FRMD4A: variants seen among roughly 807,000 people sequenced by gnomAD.
FRMD4A encodes FERM domain-containing protein 4A.
FRMD4A carries 29 observed loss-of-function variants against 129.1 expected under a neutral mutation model. The observed-to-expected ratio is 0.22, with a 90% CI of 0.17 to 0.31. The LOEUF (loss-of-function observed/expected upper bound fraction) is 0.31. Ranked by LOEUF, FRMD4A falls within the 10% of genes least tolerant of loss-of-function variation. The pLI is 1.00. For missense variants in FRMD4A, 1,272 were observed against 1,375.8 expected, an observed-to-expected ratio of 0.92 and a Z score of 1.19; for synonymous variants, 634 against 571.6, an observed-to-expected ratio of 1.11 and a Z score of -1.56.
intron 2 of FRMD4A, among the ~76,000 whole-genome samples, chr10:14,143,239 C>T (rs983481044): frequency 3.3e-5 from 5 of 152,146 alleles, no homozygotes; most frequent in Admixed American, 1.3e-4. Flanking sequence ...CAAGTATCCA[C>T]CAACAGATGA....
chr10:14,328,435 T>G (rs1843373025), intron 2 of FRMD4A, among the ~76,000 whole-genome samples: 2 of 149,998 alleles, frequency 1.3e-5, no homozygotes, highest in Admixed American at 1.3e-4. Flanking sequence ...CAAGGATTCA[T>G]GCTTAGGGGC....
chr10:13,810,896 C>T lies in FRMD4A; in HGVS notation c.124G>A (p.Ala42Thr). ...LELLVQPKLL[A>T]KELLDLVASH... is the part of the protein sequence containing the mutation. ...GCCACAAGGTCAAGAAGCTCCTTGGCCAACAGCTTGGGCTGCAAGAAGAAT... is the reference window on the plus strand; with the variant it reads ...GCCACAAGGTCAAGAAGCTCCTTGGTCAACAGCTTGGGCTGCAAGAAGAAT... The change falls in exon 4 of 25, where the codon GCC becomes ACC. Residue 42 changes from alanine (A) to threonine (T), a missense_variant. By Grantham distance (58) the Ala-to-Thr change is moderately conservative. Around this residue, in one of 2 missense-constraint regions of FRMD4A, gnomAD observed 300 missense variants for 483.6 expected, o/e 0.62. Coordinates refer to ENST00000357447, the MANE Select transcript of FRMD4A (RefSeq NM_018027.5). 1 of 1,588,214 alleles carries T rather than the reference C, an allele frequency of 6.3e-7. No individual in the cohort carries two copies. The highest frequency in any genetic ancestry group is 8.6e-7 in the Non-Finnish European group (1 of 1,157,600).
intron 2 of FRMD4A, among the ~76,000 whole-genome samples, chr10:13,887,195 A>T (rs1489564151): frequency 6.6e-6 from 1 of 152,200 alleles, no homozygotes; most frequent in Non-Finnish European, 1.5e-5. Flanking sequence ...ATTTGACTCA[A>T]ACTGAGACTA....
rs1330924959 is a variant in FRMD4A, at chr10:14,324,723, C to T, written c.45+5335G>A. ...CAAGCTGGAGTGCAGTGGCGTGCGC[C>T]GATCTCGGCTCACGGCAACCTCTGC... is the stretch of plus-strand genomic sequence containing the variant. On this transcript the variant is annotated intron_variant, in intron 2 of 24. Coordinates refer to ENST00000357447, the MANE Select transcript of FRMD4A (RefSeq NM_018027.5). Among the ~76,000 whole-genome samples, 3 of 152,130 alleles carry T rather than the reference C, an allele frequency of 2.0e-5. No individual in the cohort carries two copies. The East Asian group carries it at 5.8e-4, about 29-fold the overall frequency.
At chr10:14,170,495 T>A (rs79251869) in intron 2 of FRMD4A, among the ~76,000 whole-genome samples, 190 of 152,296 alleles carry the variant, frequency 1.2e-3, no homozygotes, top group African/African-American at 4.3e-3. Context: ...GCGCAGGATA[T>A]GTCTTTGTAG....
intron 2 of FRMD4A, among the ~76,000 whole-genome samples, chr10:14,038,804 A>C (rs978545141): frequency 2.0e-5 from 3 of 152,224 alleles, no homozygotes; most frequent in African/African-American, 7.2e-5. Flanking sequence ...GACTTTTATC[A>C]GTCAAGCTGA....
intron 1 of FRMD4A, 150 bp downstream of exon 1, chr10:14,330,447 C>T (rs1409378355): frequency 2.7e-5 from 11 of 403,032 alleles, no homozygotes; most frequent in African/African-American, 2.0e-4. Flanking sequence ...TGTTTAACTG[C>T]TACCTTCGCC....
At chr10:14,188,960 C>T (rs1842232964) in intron 2 of FRMD4A, among the ~76,000 whole-genome samples, 1 of 152,176 alleles carries the variant, frequency 6.6e-6, no homozygotes, top group African/African-American at 2.4e-5. Context: ...GGGAAGCTTT[C>T]CCTGAGCAAC....
At chr10:13,753,077 C>T (rs1215789617) in intron 8 of FRMD4A, among the ~76,000 whole-genome samples, 1 of 152,154 alleles carries the variant, frequency 6.6e-6, no homozygotes, top group African/African-American at 2.4e-5. Context: ...TTCCTTTGTT[C>T]GATCATACAG....
chr10:13,937,099 G>A (rs1037706699), intron 2 of FRMD4A, among the ~76,000 whole-genome samples: 1 of 152,218 alleles, frequency 6.6e-6, no homozygotes, highest in African/African-American at 2.4e-5. Context: ...GGTTGCAAAT[G>A]TTCTCTGGGG....
chr10:13,741,831 G>A (rs187784542), intron 9 of FRMD4A, among the ~76,000 whole-genome samples: 3 of 152,118 alleles, frequency 2.0e-5, no homozygotes, highest in Admixed American at 6.5e-5. Flanking sequence ...TTAGACAGGC[G>A]CTCCCTCCTT....
At chr10:13,655,094 C>T (rs1300146210) in intron 22 of FRMD4A, 1 of 152,704 alleles carries the variant, frequency 6.5e-6, no homozygotes, top group Non-Finnish European at 1.5e-5. Flanking sequence ...CAAACCTGAC[C>T]ACTACGCATT....
intron 2 of FRMD4A, among the ~76,000 whole-genome samples, chr10:14,249,821 C>T (rs1033990469): frequency 1.3e-5 from 2 of 151,976 alleles, no homozygotes; most frequent in South Asian, 2.1e-4. Flanking sequence ...GTGGAAAAAA[C>T]GAGAGGTTGC....
At chr10:14,208,766 T>C (rs1186404639) in intron 2 of FRMD4A, among the ~76,000 whole-genome samples, 1 of 152,218 alleles carries the variant, frequency 6.6e-6, no homozygotes, top group African/African-American at 2.4e-5. Flanking sequence ...TTTGGGACTC[T>C]GGCCTCTTCT....
chr10:14,122,570 G>A lies in FRMD4A; in HGVS notation c.45+207488C>T, dbSNP rs1564313121. On this transcript the variant is annotated intron_variant, in intron 2 of 24. Transcript: ENST00000357447. ...CGGCAGAATGTGAAGCGGGGAGCAG[G>A]CATATCACACGGGTAGAGAAGGAGC... Among the ~76,000 whole-genome samples, 10 of 147,360 alleles carry A rather than the reference G, an allele frequency of 6.8e-5. No homozygotes were observed. In the South Asian group the frequency reaches 2.2e-3, roughly 33 times the overall value.
intron 2 of FRMD4A, among the ~76,000 whole-genome samples, chr10:14,093,189 C>T (rs1422678908): frequency 1.3e-5 from 2 of 152,196 alleles, no homozygotes; most frequent in East Asian, 3.9e-4. Flanking sequence ...TCAGCAGTTT[C>T]TGGAAACTGA....
intron 24 of FRMD4A, 192 bp downstream of exon 24, chr10:13,651,711 G>C: frequency 5.0e-6 from 3 of 599,506 alleles, no homozygotes; most frequent in South Asian, 4.1e-5. Context: ...CTGGGAAGCA[G>C]TGTTAGGAAT....
intron 2 of FRMD4A, among the ~76,000 whole-genome samples, chr10:14,077,050 G>C (rs7099279): frequency 0.41 from 62,265 of 151,866 alleles, 13,146 homozygotes; most frequent in African/African-American, 0.5. Flanking sequence ...TCTCACAGAG[G>C]TCCTGGGCCA....
chr10:13,931,287 C>T (rs1230894674), intron 2 of FRMD4A, among the ~76,000 whole-genome samples: 1 of 152,216 alleles, frequency 6.6e-6, no homozygotes, highest in East Asian at 1.9e-4. Context: ...CCAGAATCCA[C>T]TGACCTCCAG....
Sources: allele counts gnomAD v4.1 joint callset (sites outside exome capture counted in the v4.1 genomes callset), GRCh38; gene constraint gnomAD v4.1.1; regional missense constraint gnomAD v4.1.1; transcripts MANE v1.5; gene names NCBI Gene and HGNC (gene_info 2026-07-23, HGNC 2026-07-21).